SERPINB12: variants seen among roughly 807,000 people sequenced by gnomAD.
SERPINB12 encodes serpin B12.
In SERPINB12, 57 loss-of-function variants were observed where a neutral mutation model predicts 41.1. The observed-to-expected ratio is 1.39, with a 90% CI of 1.12 to 1.73. The LOEUF (loss-of-function observed/expected upper bound fraction) is 1.73. Ranked by LOEUF, SERPINB12 falls within the 40% of genes most tolerant of loss-of-function variation. SERPINB12 has a pLI of 0.00. For synonymous variants in SERPINB12, 180 were observed against 181.3 expected, an observed-to-expected ratio of 0.99 and a Z score of 0.06; for missense variants, 536 against 501.9, an observed-to-expected ratio of 1.07 and a Z score of -0.65.
At chr18:63,545,151 A>T (rs963079684) in intron 1 of SERPINB12, among the ~76,000 whole-genome samples, 2 of 152,136 alleles carry the variant, frequency 1.3e-5, no homozygotes, top group African/African-American at 2.4e-5. Flanking sequence ...ACCTAGGAGG[A>T]ATCATCTAGC....
At chr18:63,528,126 A>G in the SERPINB12 span, among the ~76,000 whole-genome samples, 2 of 152,098 alleles carry the variant, frequency 1.3e-5, no homozygotes, top group Non-Finnish European at 2.9e-5. Flanking sequence ...AAATTACCCC[A>G]TCTTGGGTAT....
In SERPINB12 at chr18:63,560,964, T is replaced by A. The variant is rs549976177; in HGVS notation, c.445-121T>A. 3.6e-5 allele frequency: 25 copies of A among 697,036 alleles called. No individual in the cohort carries two copies. In the African/African-American group the frequency reaches 4.1e-4, roughly 12 times the overall value. 43.2% of individuals were successfully genotyped at this position (697,036 alleles called of 1,614,324 possible). A position where few individuals can be genotyped will look rare whatever the true frequency, so the allele number is the denominator to read the frequency against. ...GGCTAGAAACTGTCAGGCCTGTCCA[T>A]GAAATGTGAAATGACCAGGCTCATC... On this transcript the variant is annotated intron_variant, in intron 4 of 7. Coordinates refer to ENST00000382768, the MANE Select transcript of SERPINB12 (RefSeq NM_001307928.2).
At chr18:63,536,673 C>G in the SERPINB12 span, among the ~76,000 whole-genome samples, 2 of 152,084 alleles carry the variant, frequency 1.3e-5, no homozygotes, top group African/African-American at 2.4e-5. Flanking sequence ...TTGGACAGAA[C>G]GATGATCTCC....
chr18:63,520,311 A>G, the SERPINB12 span, among the ~76,000 whole-genome samples: 1 of 152,162 alleles, frequency 6.6e-6, no homozygotes, highest in Non-Finnish European at 1.5e-5. Flanking sequence ...GCCCTAGAGG[A>G]TGATGACGAT....
intron 4 of SERPINB12, 58 bp from the exon 5 acceptor site, chr18:63,561,027 C>T: frequency 8.8e-7 from 1 of 1,130,876 alleles, no homozygotes; most frequent in Non-Finnish European, 1.3e-6. Flanking sequence ...TCACTCCTAA[C>T]TACGAGCATC....
At chr18:63,562,294 G>A (rs1910937943) in intron 5 of SERPINB12, among the ~76,000 whole-genome samples, 1 of 152,216 alleles carries the variant, frequency 6.6e-6, no homozygotes, top group African/African-American at 2.4e-5. Flanking sequence ...GCTGGACATA[G>A]ACTAGGCCCC....
upstream of SERPINB12, among the ~76,000 whole-genome samples, chr18:63,537,716 A>G (rs2144540327): frequency 6.6e-6 from 1 of 152,282 alleles, no homozygotes; most frequent in East Asian, 1.9e-4. Context: ...ATCTTACCAT[A>G]TGGAATCCCT....
At chr18:63,565,894 G>A (rs994495068) in intron 7 of SERPINB12, among the ~76,000 whole-genome samples, 9 of 152,196 alleles carry the variant, frequency 5.9e-5, no homozygotes, top group African/African-American at 1.9e-4. Flanking sequence ...AACTTGAAAA[G>A]TTTTTAAGTT....
At chr18:63,562,592 C>G (rs867749222) in intron 5 of SERPINB12, among the ~76,000 whole-genome samples, 2 of 152,186 alleles carry the variant, frequency 1.3e-5, no homozygotes, top group Non-Finnish European at 2.9e-5. Context: ...ATACCCCTGC[C>G]TGCCTTTCCT....
chr18:63,533,741 T>G, the SERPINB12 span, among the ~76,000 whole-genome samples: 4 of 152,252 alleles, frequency 2.6e-5, no homozygotes, highest in South Asian at 2.1e-4. Context: ...CCCTCCCACC[T>G]CTTGAACTTT....
intron 3 of SERPINB12, among the ~76,000 whole-genome samples, chr18:63,559,313 T>C (rs73961726): frequency 0.031 from 4,745 of 151,788 alleles, 246 homozygotes; most frequent in African/African-American, 0.11. Flanking sequence ...GTCTGAAATA[T>C]AGTGAGCGTT....
intron 6 of SERPINB12, among the ~76,000 whole-genome samples, chr18:63,564,899 A>T (rs966153237): frequency 5.7e-4 from 87 of 152,200 alleles, no homozygotes; most frequent in African/African-American, 2.1e-3. Flanking sequence ...AGAACTGATT[A>T]AAAAACATGG....
Position 63,566,883 on chromosome 18 carries a change from G to T in SERPINB12, c.1150G>T (p.Gly384Trp). Residue 384 changes from glycine (G) to tryptophan (W), a missense_variant, in exon 8 of 8, where the codon GGG (glycine) becomes TGG (tryptophan). Transcript: ENST00000382768. ...ENGTQAAAAT[G>W]AVVSERSLRS... ...CGGTACCCAGGCAGCTGCAGCCACT[G>T]GGGCTGTTGTCTCGGAAAGGTCACT... 6.2e-7 allele frequency: 1 copy of T among 1,614,202 alleles called. No homozygotes were observed. The highest frequency in any genetic ancestry group is 8.5e-7 in the Non-Finnish European group (1 of 1,180,020).
chr18:63,564,136 T>G lies in SERPINB12; in HGVS notation c.705+16T>G, dbSNP rs1304432374. 3 of 1,600,376 alleles carry G rather than the reference T, an allele frequency of 1.9e-6. No individual in the cohort carries two copies. The East Asian group carries it at 6.7e-5, about 36-fold the overall frequency. ...TCTAAATGCGGTAGTGTATCAGAAC[T>G]CATGGTTTTCTAGCTAGCCAACTCA... On this transcript the variant is annotated intron_variant, in intron 6 of 7. Coordinates refer to ENST00000382768, the MANE Select transcript of SERPINB12 (RefSeq NM_001307928.2).
chr18:63,558,023 A>G (rs1199812762), intron 2 of SERPINB12, among the ~76,000 whole-genome samples: 1 of 152,168 alleles, frequency 6.6e-6, no homozygotes, highest in Non-Finnish European at 1.5e-5. Context: ...ACTATATTCA[A>G]GATCTGGTGT....
the SERPINB12 span, among the ~76,000 whole-genome samples, chr18:63,524,709 T>G: frequency 6.6e-6 from 1 of 152,142 alleles, no homozygotes; most frequent in Admixed American, 6.5e-5. Flanking sequence ...ACCAGTCATT[T>G]TATTTTAGGA....
chr18:63,551,725 A>C (rs1910535955), intron 1 of SERPINB12, among the ~76,000 whole-genome samples: 1 of 152,236 alleles, frequency 6.6e-6, no homozygotes, highest in Admixed American at 6.5e-5. Context: ...CATACCTTTG[A>C]GAAATCTCTC....
chr18:63,527,206 A>C, the SERPINB12 span, among the ~76,000 whole-genome samples: 7 of 152,160 alleles, frequency 4.6e-5, no homozygotes, highest in African/African-American at 1.7e-4. Context: ...TTGACTAGTC[A>C]ATGCAGGCAG....
In SERPINB12 at chr18:63,558,337, C is replaced by T; in HGVS notation, c.169-15C>T. ...GTTCATATTATCTGAAAGACCCCAT[C>T]CCGTTATCATGCAGGTACTACACTT... On this transcript the variant is annotated splice_polypyrimidine_tract_variant and intron_variant, in intron 2 of 7. Transcript: ENST00000382768. 2.5e-6 allele frequency: 4 copies of T among 1,606,784 alleles called. No individual in the cohort carries two copies. The highest frequency in any genetic ancestry group is 3.4e-6 in the Non-Finnish European group (4 of 1,177,786).
Sources: allele counts gnomAD v4.1 joint callset (sites outside exome capture counted in the v4.1 genomes callset), GRCh38; gene constraint gnomAD v4.1.1; transcripts MANE v1.5; gene names NCBI Gene and HGNC (gene_info 2026-07-23, HGNC 2026-07-21).